The following THSD7A variants were observed in gnomAD, a reference collection of about 807,000 sequenced individuals.
THSD7A encodes thrombospondin type-1 domain-containing protein 7A.
A neutral mutation model predicts 231.3 loss-of-function variants in THSD7A; 96 were observed. The observed-to-expected ratio is 0.41, with a 90% CI of 0.35 to 0.49. The LOEUF (loss-of-function observed/expected upper bound fraction) is 0.49, where lower values mean the gene tolerates loss of function less well. Among genes scored for constraint, THSD7A ranks in the 20% least tolerant of loss-of-function variants. The pLI, the probability that THSD7A is intolerant of heterozygous loss-of-function variation, is 0.05. For synonymous variants in THSD7A, 940 were observed against 743.3 expected (o/e 1.26, Z -4.30); for missense variants, 2,290 against 2,070.2 (o/e 1.11, Z -2.06).
chr7:11,750,620 C>T lies in THSD7A; in HGVS notation c.190+81137G>A, dbSNP rs115936390. Among the ~76,000 whole-genome samples the T allele has an allele frequency of 6.4e-3, 971 of 151,990 alleles. 9 individuals carry two copies. Among genetic ancestry groups the T allele is most frequent in the African/African-American group, 0.022 (927 of 41,512 alleles). On this transcript the variant is annotated intron_variant, in intron 1 of 27. Transcript: ENST00000423059. ...GTAAGGTGCCATTATCAAACAGAGG[C>T]CCCTGACGTGGCGCAGGTTGTCTGC...
At chr7:11,648,124 T>C (rs1782352706) in intron 1 of THSD7A, among the ~76,000 whole-genome samples, 4 of 152,100 alleles carry the variant, frequency 2.6e-5, no homozygotes, top group African/African-American at 9.7e-5. Flanking sequence ...TAGAGGTCCA[T>C]GTAAGTCTGT....
intron 1 of THSD7A, among the ~76,000 whole-genome samples, chr7:11,805,875 C>G (rs78908655): frequency 6.6e-6 from 1 of 151,972 alleles, no homozygotes; most frequent in Non-Finnish European, 1.5e-5. Flanking sequence ...CAATATTTCA[C>G]GTGTTTTGAC....
chr7:11,749,455 A>G (rs1461271507), intron 1 of THSD7A, among the ~76,000 whole-genome samples: 1 of 152,002 alleles, frequency 6.6e-6, no homozygotes, highest in Non-Finnish European at 1.5e-5. Flanking sequence ...CTATTTGTAG[A>G]TGTCTAGCAA....
At position 11,412,736 on chromosome 7, in the gene THSD7A, C is replaced by G. The variant is rs1292397574; in HGVS notation, c.3602G>C (p.Gly1201Ala). ...ADPIRQPADE[G>A]RSCPNAVEKE... ...CTCAACAGCATTAGGGCAAGATCTT[C>G]CTTCATCAGCTGGTTGTCTGATGGG... Residue 1201 changes from glycine (G) to alanine (A), a missense_variant, in exon 18 of 28, where the codon GGA (glycine) becomes GCA (alanine). Gly to Ala is a moderately conservative substitution (Grantham distance 60). Coordinates refer to ENST00000423059, the MANE Select transcript of THSD7A (RefSeq NM_015204.3). 1 of 1,613,722 alleles carries G rather than the reference C, an allele frequency of 6.2e-7. No homozygotes were observed. The highest frequency in any genetic ancestry group is 1.3e-5 in the African/African-American group (1 of 75,044).
chr7:11,553,100 A>T (rs953448692), intron 4 of THSD7A, among the ~76,000 whole-genome samples: 2 of 152,092 alleles, frequency 1.3e-5, no homozygotes, highest in African/African-American at 4.8e-5. Flanking sequence ...TATATACCCC[A>T]GACAACATAG....
At chr7:11,594,258 T>A (rs1340709068) in intron 2 of THSD7A, among the ~76,000 whole-genome samples, 2 of 152,158 alleles carry the variant, frequency 1.3e-5, no homozygotes, top group Non-Finnish European at 2.9e-5. Context: ...CTTGTGATCA[T>A]GTGAGATAAT....
At chr7:11,404,637 A>C (rs1317111487) in intron 22 of THSD7A, among the ~76,000 whole-genome samples, 9 of 152,242 alleles carry the variant, frequency 5.9e-5, no homozygotes, top group Admixed American at 5.9e-4. Context: ...ATGATATCAG[A>C]CTAGTTTCAG....
chr7:11,439,928 A>G (rs1406117309), intron 13 of THSD7A, among the ~76,000 whole-genome samples: 2 of 152,120 alleles, frequency 1.3e-5, no homozygotes. Flanking sequence ...TAGATGAAAC[A>G]GCCTTCTGTT....
intron 6 of THSD7A, among the ~76,000 whole-genome samples, chr7:11,505,388 C>G (rs1787503083): frequency 6.6e-6 from 1 of 151,552 alleles, no homozygotes; most frequent in African/African-American, 2.4e-5. Context: ...GATTTCAGTA[C>G]TTAAAAGAAC....
rs1562614019 is a variant in THSD7A, at chr7:11,444,444, T to C, written c.3064+1617A>G. ...TACTGGATAAAGAAAATGTGGCACA[T>C]ATACATCATAAAATGGATGAAGCTG... On this transcript the variant is annotated intron_variant, in intron 13 of 27. Transcript: ENST00000423059. The surrounding 1 kb of genome is among the most constrained non-coding windows in gnomAD (Gnocchi z 4.2). 1.3e-5 allele frequency among the ~76,000 whole-genome samples: 2 copies of C among 151,980 alleles called. No homozygotes were observed. Among genetic ancestry groups the C allele is most frequent in the East Asian group, 1.9e-4 (1 of 5,148 alleles).
Position 11,781,934 on chromosome 7 carries a change from G to A in THSD7A, c.190+49823C>T, listed in dbSNP as rs150971984. ...TGAGTCAGATAATTCTTTATTTCAG[G>A]AGTCTTTCCTCTGTGTTGTAGGATG... is the stretch of plus-strand genomic sequence containing the variant. On this transcript the variant is annotated intron_variant, in intron 1 of 27. Coordinates refer to ENST00000423059, the MANE Select transcript of THSD7A (RefSeq NM_015204.3). Among the ~76,000 whole-genome samples, 756 of 152,130 alleles carry A rather than the reference G, an allele frequency of 5.0e-3. 7 individuals carry two copies. Among genetic ancestry groups the A allele is most frequent in the African/African-American group, 0.018 (731 of 41,506 alleles).
chr7:11,453,021 T>C (rs555694912), intron 11 of THSD7A, among the ~76,000 whole-genome samples: 101 of 152,092 alleles, frequency 6.6e-4, no homozygotes, highest in Non-Finnish European at 1.3e-3. Context: ...CACTTCTTTT[T>C]CTTTCTATTG....
chr7:11,464,694 T>C (rs1003461500), intron 9 of THSD7A, among the ~76,000 whole-genome samples: 1 of 152,108 alleles, frequency 6.6e-6, no homozygotes, highest in East Asian at 1.9e-4. Context: ...TATGAAAAGT[T>C]CAAATTCCTT....
intron 22 of THSD7A, among the ~76,000 whole-genome samples, chr7:11,403,475 A>G (rs1783477343): frequency 6.6e-6 from 1 of 152,216 alleles, no homozygotes; most frequent in African/African-American, 2.4e-5. Flanking sequence ...AAAGTTTTAG[A>G]AACGCTTTTA....
At chr7:11,532,235 A>G (rs1788738170) in intron 6 of THSD7A, among the ~76,000 whole-genome samples, 1 of 152,172 alleles carries the variant, frequency 6.6e-6, no homozygotes, top group Admixed American at 6.5e-5. Context: ...CAGCTGCATC[A>G]GTGAGACCAG....
At chr7:11,702,414 G>A (rs1057205342) in intron 1 of THSD7A, among the ~76,000 whole-genome samples, 2 of 151,184 alleles carry the variant, frequency 1.3e-5, no homozygotes, top group Admixed American at 1.3e-4. Flanking sequence ...TAACCCTCTG[G>A]TCTTTTCCAG....
At chr7:11,580,177 T>A (rs1791094758) in intron 4 of THSD7A, among the ~76,000 whole-genome samples, 2 of 152,180 alleles carry the variant, frequency 1.3e-5, no homozygotes. Context: ...AAAAACAGAT[T>A]CCTGCCTCAT....
chr7:11,724,190 A>ATG (rs1781465590), intron 1 of THSD7A, among the ~76,000 whole-genome samples: 3 of 151,938 alleles, frequency 2.0e-5, no homozygotes. Flanking sequence ...GCCTAAGTAC[A>ATG]TAAAAGAATG....
At chr7:11,581,547 T>G (rs1241315676) in intron 4 of THSD7A, among the ~76,000 whole-genome samples, 2 of 145,830 alleles carry the variant, frequency 1.4e-5, no homozygotes, top group East Asian at 4.1e-4. Flanking sequence ...GAAATACTCA[T>G]GAATTTTCAC....
Sources: gnomAD v4.1 joint callset for allele counts (sites outside exome capture counted in the v4.1 genomes callset) on GRCh38, gnomAD v4.1.1 for gene constraint, Gnocchi (gnomAD v3.1) non-coding constraint, MANE v1.5 for transcripts, NCBI Gene and HGNC (gene_info 2026-07-23, HGNC 2026-07-21) for gene names.